Variants in OCA2 observed in about 807,000 individuals in gnomAD.
The protein encoded by OCA2 is OCA2 melanosomal transmembrane protein, also known as P protein.
OCA2 carries 77 observed loss-of-function variants against 100.2 expected under a neutral mutation model. The observed-to-expected ratio is 0.77, with a 90% CI of 0.64 to 0.93. The LOEUF is 0.93. Among genes scored for constraint, OCA2 ranks in the 40% least tolerant of loss-of-function variants. The pLI, the probability that OCA2 is intolerant of heterozygous loss-of-function variation, is 0.00. For synonymous variants in OCA2, 432 were observed against 439.2 expected (o/e 0.98, Z 0.21); for missense variants, 1,062 against 1,089.1 (o/e 0.98, Z 0.35).
At chr15:27,928,697 G>C (rs748060722) in intron 18 of OCA2, among the ~76,000 whole-genome samples, 1 of 152,120 alleles carries the variant, frequency 6.6e-6, no homozygotes, top group Non-Finnish European at 1.5e-5. Context: ...CACATTCCCA[G>C]CCTCATGCCT....
chr15:28,020,014 G>A lies in OCA2; in HGVS notation c.647-1457C>T, dbSNP rs557950918. On this transcript the variant is annotated intron_variant, in intron 6 of 23. Transcript: ENST00000354638. ...CTGGTGACCCACTGCGCTGGAGGACGCAGCACCCGTCTTCCCCCCTGCGGC... is the reference window on the plus strand; with the variant it reads ...CTGGTGACCCACTGCGCTGGAGGACACAGCACCCGTCTTCCCCCCTGCGGC... 8.5e-5 allele frequency among the ~76,000 whole-genome samples: 13 copies of A among 152,258 alleles called. No homozygotes were observed. In the South Asian group the frequency reaches 1.2e-3, roughly 15 times the overall value.
chr15:27,921,238 G>A (rs1340394267), intron 19 of OCA2, among the ~76,000 whole-genome samples: 1 of 151,948 alleles, frequency 6.6e-6, no homozygotes, highest in Non-Finnish European at 1.5e-5. Context: ...GCATATAGGG[G>A]AAACAATGAT....
downstream of OCA2, among the ~76,000 whole-genome samples, chr15:27,753,661 C>T (rs1177867660): frequency 2.6e-5 from 4 of 151,740 alleles, no homozygotes; most frequent in African/African-American, 9.7e-5. Context: ...GGCGTGAACC[C>T]GGGAGGCGGA....
At chr15:27,921,659 T>C (rs557921808) in intron 19 of OCA2, among the ~76,000 whole-genome samples, 21 of 152,340 alleles carry the variant, frequency 1.4e-4, no homozygotes, top group African/African-American at 4.3e-4. Context: ...TACTATTGAC[T>C]GGGAGCCTTA....
intron 23 of OCA2, among the ~76,000 whole-genome samples, chr15:27,822,348 T>C (rs1021185780): frequency 1.3e-5 from 2 of 152,204 alleles, no homozygotes; most frequent in East Asian, 3.8e-4. Flanking sequence ...GAATCTTCCA[T>C]GCTGCTATAT....
chr15:28,056,158 A>G (rs1406796699), intron 2 of OCA2, among the ~76,000 whole-genome samples: 2 of 152,102 alleles, frequency 1.3e-5, no homozygotes, highest in Non-Finnish European at 2.9e-5. Context: ...AGTCTGGGTA[A>G]CCAGAGGGAG....
chr15:27,876,462 A>G (rs978583701), intron 19 of OCA2, among the ~76,000 whole-genome samples: 1 of 152,046 alleles, frequency 6.6e-6, no homozygotes, highest in Non-Finnish European at 1.5e-5. Context: ...CTACAAAATA[A>G]GTGGGGAACT....
intron 6 of OCA2, among the ~76,000 whole-genome samples, chr15:28,020,194 G>A (rs1221719255): frequency 1.3e-5 from 2 of 152,142 alleles, no homozygotes; most frequent in East Asian, 3.9e-4. Flanking sequence ...CAGGCTGTGG[G>A]GTCCTGCGTG....
the OCA2 span, among the ~76,000 whole-genome samples, chr15:27,743,499 T>C: frequency 9.1e-4 from 139 of 152,246 alleles, no homozygotes; most frequent in African/African-American, 3.2e-3. Context: ...GGAATTTTGC[T>C]CCTGCTCTCC....
intron 23 of OCA2, among the ~76,000 whole-genome samples, chr15:27,832,458 C>T (rs117190953): frequency 1.3e-5 from 2 of 152,236 alleles, no homozygotes; most frequent in African/African-American, 4.8e-5. Flanking sequence ...CTCCCTCCCC[C>T]GGGTGCCTTC....
chr15:27,959,970 G>C (rs1227593775), intron 15 of OCA2, among the ~76,000 whole-genome samples: 2 of 152,168 alleles, frequency 1.3e-5, no homozygotes, highest in African/African-American at 4.8e-5. Context: ...CCAGAACTCA[G>C]TTTACCAAAA....
intron 19 of OCA2, among the ~76,000 whole-genome samples, chr15:27,923,441 G>A (rs2140351839): frequency 6.6e-6 from 1 of 152,234 alleles, no homozygotes; most frequent in South Asian, 2.1e-4. Context: ...TCACCACACT[G>A]CTTTCTACAA....
rs2042601130 is a variant in OCA2 at position 28,021,777 on chromosome 15, G to A, written c.646+724C>T. On this transcript the variant is annotated intron_variant, in intron 6 of 23. Coordinates refer to ENST00000354638, the MANE Select transcript of OCA2 (RefSeq NM_000275.3). ...TCTAATCTGGCAGCCAGAGGGCGCA[G>A]TGGGAATTCCTGCAGCCATGAGAAG... Among the ~76,000 whole-genome samples, 3 of 152,184 alleles carry A rather than the reference G, an allele frequency of 2.0e-5. No homozygotes were observed. The South Asian group carries it at 6.2e-4, about 32-fold the overall frequency.
chr15:28,020,615 C>T lies in OCA2; in HGVS notation c.646+1886G>A, dbSNP rs138510663. Among the ~76,000 whole-genome samples, 67 of 151,984 alleles carry T rather than the reference C, an allele frequency of 4.4e-4. 1 individual carries two copies. Among genetic ancestry groups the T allele is most frequent in the African/African-American group, 1.5e-3 (64 of 41,338 alleles). ...CATCCTGGAGAAGTAATGCAGAGGT[C>T]GAGGCACAAGAATGAGAAACAAAGT... On this transcript the variant is annotated intron_variant, in intron 6 of 23. Transcript: ENST00000354638.
chr15:28,012,063 T>C (rs2042258053), intron 9 of OCA2, among the ~76,000 whole-genome samples: 1 of 150,262 alleles, frequency 6.7e-6, no homozygotes, highest in Non-Finnish European at 1.5e-5. Flanking sequence ...ATATCTATAA[T>C]ATATAAAGAA....
chr15:28,026,948 C>T (rs981003421), intron 4 of OCA2, among the ~76,000 whole-genome samples: 1 of 152,230 alleles, frequency 6.6e-6, no homozygotes, highest in African/African-American at 2.4e-5. Flanking sequence ...AGGAGGGCAT[C>T]GCGTGACAGG....
chr15:27,883,575 G>C (rs904324758), intron 19 of OCA2, among the ~76,000 whole-genome samples: 18 of 152,076 alleles, frequency 1.2e-4, no homozygotes, highest in African/African-American at 4.3e-4. Context: ...CCCTCATCAG[G>C]GCGAGGGAGA....
intron 2 of OCA2, among the ~76,000 whole-genome samples, chr15:28,074,598 C>T (rs758043131): frequency 7.4e-5 from 11 of 148,964 alleles, no homozygotes; most frequent in African/African-American, 2.0e-4. Flanking sequence ...GGCGTGAACC[C>T]GGGAAGCGGA....
chr15:27,871,837 G>A (rs1403870047), intron 20 of OCA2, 26 bp downstream of exon 20: 1 of 1,444,114 alleles, frequency 6.9e-7, no homozygotes, highest in South Asian at 1.1e-5. Flanking sequence ...TGGCTGGAGT[G>A]CCTTCTATTA....
Sources: allele counts gnomAD v4.1 joint callset (sites outside exome capture counted in the v4.1 genomes callset), GRCh38; gene constraint gnomAD v4.1.1; transcripts MANE v1.5; gene names NCBI Gene and HGNC (gene_info 2026-07-23, HGNC 2026-07-21).